Variants in HIP1R observed in about 807,000 individuals in gnomAD.
HIP1R encodes huntingtin interacting protein 1 related.
A neutral mutation model predicts 144.2 loss-of-function variants in HIP1R; 135 were observed. The ratio of observed to expected loss-of-function variants is 0.94; its 90% confidence interval spans 0.81 to 1.08. HIP1R has a LOEUF of 1.08. Ranked by LOEUF, HIP1R falls within the 50% of genes least tolerant of loss-of-function variation. HIP1R has a pLI of 0.00. For synonymous variants in HIP1R, 698 were observed against 612.8 expected (o/e 1.14, Z -2.05); for missense variants, 1,462 against 1,432.8 (o/e 1.02, Z -0.33).
At chr12:122,837,412 G>T (rs549415274) in intron 1 of HIP1R, among the ~76,000 whole-genome samples, 4 of 151,706 alleles carry the variant, frequency 2.6e-5, no homozygotes, top group African/African-American at 7.3e-5. Context: ...TCCGCCTCCC[G>T]GGTTCAAGTG....
rs746930045 is a variant in HIP1R at position 122,858,142 on chromosome 12, A to C, written c.1856A>C (p.Glu619Ala). 14 of 1,602,010 alleles carry C rather than the reference A, an allele frequency of 8.7e-6. No individual in the cohort carries two copies. Among genetic ancestry groups the C allele is most frequent in the Non-Finnish European group, 1.2e-5 (14 of 1,176,758 alleles). ...GGGCTGCGGCAGAGGCTGCTGGACGAGCAGTTCGCAGTGTTGCGGGGCGCT... is the reference window on the plus strand; with the variant it reads ...GGGCTGCGGCAGAGGCTGCTGGACGCGCAGTTCGCAGTGTTGCGGGGCGCT... The part of the protein sequence containing the change: ...EQGLRQRLLD[E>A]QFAVLRGAAA... The change falls in exon 19 of 32, where the codon GAG (glutamate) becomes GCG (alanine). Residue 619 changes from glutamate to alanine, a missense_variant. Transcript: ENST00000253083.
In HIP1R at chr12:122,862,824, G is replaced by A. The variant is rs1226534585; in HGVS notation, c.*1071G>A. 6.6e-6 allele frequency: 1 copy of A among 152,152 alleles called. No homozygotes were observed. The highest frequency in any genetic ancestry group is 6.5e-5 in the Admixed American group (1 of 15,282). 9.4% of individuals were successfully genotyped at this position (152,152 alleles called of 1,614,324 possible). A position where few individuals can be genotyped will look rare whatever the true frequency, so the allele number is the denominator to read the frequency against. On this transcript the variant is annotated 3_prime_UTR_variant, in exon 32 of 32. Coordinates refer to ENST00000253083, the MANE Select transcript of HIP1R (RefSeq NM_003959.3). The stretch of plus-strand genomic sequence containing the variant: ...CTAGCCCTTTAGCCTTTCACCCTGT[G>A]CTCTGGAAAGGCTACCAAATACTGG...
chr12:122,835,473 G>T lies in HIP1R; in HGVS notation c.-78G>T, dbSNP rs1279444880. The T allele has an allele frequency of 2.3e-5, 27 of 1,190,930 alleles. No individual in the cohort carries two copies. In the East Asian group the frequency reaches 2.7e-4, roughly 12 times the overall value. The allele number at this position is 1,190,930 out of a possible 1,614,324, so 73.8% of individuals were successfully genotyped here. On this transcript the variant is annotated 5_prime_UTR_variant, in exon 1 of 32. Coordinates refer to ENST00000253083, the MANE Select transcript of HIP1R (RefSeq NM_003959.3). ...GGGCGCGGCGCGGTGGCCTCGCGGT[G>T]CCTAGGCTGGGGCTGCCGGACCGTG...
intron 12 of HIP1R, 54 bp downstream of exon 12, chr12:122,855,666 G>A: frequency 6.5e-7 from 1 of 1,538,696 alleles, no homozygotes; most frequent in Non-Finnish European, 8.8e-7. Context: ...GGGCTCAGCT[G>A]AGCTGTGCTC....
chr12:122,853,562 C>A (rs907006672), intron 7 of HIP1R: 1 of 152,132 alleles, frequency 6.6e-6, no homozygotes, highest in Non-Finnish European at 1.5e-5. Context: ...TGGGGGCAAG[C>A]GAGGTTTCAG....
At position 122,859,841 on chromosome 12, in the gene HIP1R, C is replaced by A. The variant is rs573747950; in HGVS notation, c.2465+11C>A. On this transcript the variant is annotated intron_variant, in intron 24 of 31. Transcript: ENST00000253083. Reference sequence around the variant, plus strand: ...GGAGGTGAACGAGAGGTGAGCCCCCCTTCTGTCCCCCCAGGCCCAGCCGAG... The same window carrying A: ...GGAGGTGAACGAGAGGTGAGCCCCCATTCTGTCCCCCCAGGCCCAGCCGAG... 7.4e-6 allele frequency: 12 copies of A among 1,611,456 alleles called. No homozygotes were observed. In the South Asian group the frequency reaches 9.9e-5, roughly 13 times the overall value.
chr12:122,855,977 C>A lies in HIP1R; in HGVS notation c.1129-3C>A. 1.3e-6 allele frequency: 2 copies of A among 1,583,424 alleles called. No individual in the cohort carries two copies. The highest frequency in any genetic ancestry group is 2.3e-5 in the South Asian group (2 of 86,618). ...GGGCCCCACGTCACACCTCCTCCCG[C>A]AGGCCCAGCGGTACATCGCGCAGCT... On this transcript the variant is annotated splice_region_variant and splice_polypyrimidine_tract_variant and intron_variant, in intron 13 of 31. Coordinates refer to ENST00000253083, the MANE Select transcript of HIP1R (RefSeq NM_003959.3).
chr12:122,861,751 T>G lies in HIP1R; in HGVS notation c.3205T>G (p.Ter1069GluextTer20). 6.2e-7 allele frequency: 1 copy of G among 1,614,006 alleles called. No individual in the cohort carries two copies. The highest frequency in any genetic ancestry group is 1.7e-4 in the Middle Eastern group (1 of 6,060). Reference protein sequence around the residue: ...GIYPAQLVNY* With the variant: ...GIYPAQLVNYE ...CTACCCAGCTCAACTCGTGAACTAC[T>G]AGGCCCCCCAGGGGTCCAGCAGGGT... Residue 1069 changes from the stop codon to glutamate (E), a stop_lost, in exon 32 of 32, where the codon TAG (stop) becomes GAG (glutamate). Transcript: ENST00000253083.
In HIP1R at chr12:122,855,385, C is replaced by A. The variant is rs778934790; in HGVS notation, c.973C>A (p.Pro325Thr). 4 of 1,576,934 alleles carry A rather than the reference C, an allele frequency of 2.5e-6. No individual in the cohort carries two copies. Among genetic ancestry groups the A allele is most frequent in the Non-Finnish European group, 3.4e-6 (4 of 1,162,704 alleles). The change falls in exon 11 of 32, where the codon CCC (proline) becomes ACC (threonine). Residue 325 changes from proline to threonine, a missense_variant. Physicochemically the swap from Pro to Thr is conservative, Grantham distance 38. Coordinates refer to ENST00000253083, the MANE Select transcript of HIP1R (RefSeq NM_003959.3). ...GAATCTCATTGAGATCAGCACAGGG[C>A]CCCCCGCGGGGGAGCCAGTGGTGAG... is the stretch of plus-strand genomic sequence containing the variant. ...PENLIEISTGPPAGEPVVVAD... is the reference protein window; with the variant it reads ...PENLIEISTGTPAGEPVVVAD...
At position 122,862,014 on chromosome 12, in the gene HIP1R, A is replaced by ACTCTTCAGAAAATAGTGTTTTTAATATTC. The variant is rs1328956487; in HGVS notation, c.*292_*320dup. 1.3e-4 allele frequency: 64 copies of ACTCTTCAGAAAATAGTGTTTTTAATATTC among 476,594 alleles called. No individual in the cohort carries two copies. Among genetic ancestry groups the ACTCTTCAGAAAATAGTGTTTTTAATATTC allele is most frequent in the African/African-American group, 2.6e-4 (13 of 50,108 alleles). 29.5% of individuals were successfully genotyped at this position (476,594 alleles called of 1,614,324 possible). Reference sequence around the variant, plus strand: ...CAGGACCCGGTAGGCCTGAGCCTCAACTCTTCAGAAAATAGTGTTTTTAAT... The same window carrying ACTCTTCAGAAAATAGTGTTTTTAATATTC: ...CAGGACCCGGTAGGCCTGAGCCTCAACTCTTCAGAAAATAGTGTTTTTAATATTCCTCTTCAGAAAATAGTGTTTTTAAT... On this transcript the variant is annotated 3_prime_UTR_variant, in exon 32 of 32. Transcript: ENST00000253083.
intron 2 of HIP1R, 114 bp downstream of exon 2, chr12:122,848,208 C>A: frequency 1.7e-6 from 2 of 1,177,004 alleles, no homozygotes; most frequent in East Asian, 2.5e-5. Context: ...TCACTGAGCC[C>A]GGGGAGGAGG....
In HIP1R at chr12:122,857,202, G is replaced by T. The variant is rs537676507; in HGVS notation, c.1802G>T (p.Arg601Leu). The T allele has an allele frequency of 3.2e-6, 5 of 1,550,278 alleles. No homozygotes were observed. Among genetic ancestry groups the T allele is most frequent in the Non-Finnish European group, 4.4e-6 (5 of 1,146,838 alleles). The change falls in exon 18 of 32, where the codon CGG (arginine) becomes CTG (leucine). Residue 601 changes from arginine to leucine, a missense_variant. Transcript: ENST00000253083. ...SSQEQGELQG[R>L]LAERESQEQG... ...CAGGAGCAGGGCGAGTTGCAGGGCC[G>T]GCTGGCAGAGAGGGTATGGCCTCCC... is the stretch of plus-strand genomic sequence containing the variant.
In HIP1R at chr12:122,849,898, A is replaced by C; in HGVS notation, c.381A>C (p.Gly127=). 6.2e-7 allele frequency: 1 copy of C among 1,613,516 alleles called. No individual in the cohort carries two copies. Among genetic ancestry groups the C allele is most frequent in the Non-Finnish European group, 8.5e-7 (1 of 1,179,894 alleles). The part of the protein sequence containing the change: ...DLWGHLHDRY[G]QLVNVYTKLL... ...AGGGACATTTGCATGACCGCTACGG[A>C]CAGCTGGTGAATGTCTACACCAAGC... Residue 127 remains glycine (G), a synonymous_variant, in exon 5 of 32, where the codon GGA becomes GGC. Transcript: ENST00000253083.
chr12:122,851,640 T>C (rs552641565), intron 7 of HIP1R, among the ~76,000 whole-genome samples: 1 of 151,304 alleles, frequency 6.6e-6, no homozygotes, highest in South Asian at 2.1e-4. Context: ...GCGGAGATCA[T>C]GCCGCTACAC....
Position 122,859,779 on chromosome 12 carries a change from T to C in HIP1R, c.2414T>C (p.Met805Thr), listed in dbSNP as rs1220194495. 6.2e-7 allele frequency: 1 copy of C among 1,612,952 alleles called. No homozygotes were observed. The highest frequency in any genetic ancestry group is 8.5e-7 in the Non-Finnish European group (1 of 1,179,794). ...EDAVRRIEDM[M>T]NQARHASSGV... ...CTCTGTTCTTGGGTGCAGGACATGATGAACCAGGCACGCCACGCCAGCTCG... is the reference window on the plus strand; with the variant it reads ...CTCTGTTCTTGGGTGCAGGACATGACGAACCAGGCACGCCACGCCAGCTCG... Residue 805 changes from methionine to threonine, a missense_variant, in exon 24 of 32, where the codon ATG (methionine) becomes ACG (threonine). Physicochemically the swap from Met to Thr is moderately conservative, Grantham distance 81. This residue lies in a region of HIP1R where 1,112 missense variants were observed against 1,011.7 expected (regional missense o/e 1.10). Transcript: ENST00000253083.
Position 122,848,395 on chromosome 12 carries a change from C to T in HIP1R, c.158-71C>T, listed in dbSNP as rs914219813. On this transcript the variant is annotated intron_variant, in intron 2 of 31. Coordinates refer to ENST00000253083, the MANE Select transcript of HIP1R (RefSeq NM_003959.3). ...GCCGGCCCTCTTCCGGCGGCCCTGG[C>T]CTCTCTCAGCCGGGTTTGCTGAGCC... 4 of 1,541,588 alleles carry T rather than the reference C, an allele frequency of 2.6e-6. No homozygotes were observed. The African/African-American group carries it at 4.1e-5, about 16-fold the overall frequency.
rs199998783 is a variant in HIP1R, at chr12:122,861,683, C to T, written c.3160-23C>T. 4.7e-4 allele frequency: 755 copies of T among 1,613,334 alleles called. 6 individuals carry two copies. Among genetic ancestry groups the T allele is most frequent in the Admixed American group, 6.3e-4 (38 of 59,922 alleles). On this transcript the variant is annotated intron_variant, in intron 31 of 31. Coordinates refer to ENST00000253083, the MANE Select transcript of HIP1R (RefSeq NM_003959.3). ...CCAGGTGCCTGGCTGTGACCACTGA[C>T]CCCCCACCTTTAACCCCTGCAGCTT...
intron 1 of HIP1R, among the ~76,000 whole-genome samples, chr12:122,847,578 T>C (rs1593867642): frequency 6.6e-6 from 1 of 151,870 alleles, no homozygotes; most frequent in Non-Finnish European, 1.5e-5. Context: ...CCCAGGAGAG[T>C]GGGGACAATG....
Position 122,854,340 on chromosome 12 carries a change from G to GA in HIP1R, c.718+175dup, listed in dbSNP as rs5801492. On this transcript the variant is annotated intron_variant, in intron 8 of 31. Transcript: ENST00000253083. Reference sequence around the variant, plus strand: ...TTAATAGAAATAACATATATTTTATGAAAAAAAAAAAAAAAAAACCCACTA... The same window carrying GA: ...TTAATAGAAATAACATATATTTTATGAAAAAAAAAAAAAAAAAAACCCACTA... Among the ~76,000 whole-genome samples, 300 of 128,548 alleles carry GA rather than the reference G, an allele frequency of 2.3e-3. 2 individuals carry two copies. The highest frequency in any genetic ancestry group is 5.7e-3 in the African/African-American group (198 of 34,532). The allele number at this position is 128,548 out of a possible 152,430, so 84.3% of individuals were successfully genotyped here. A position where few individuals can be genotyped will look rare whatever the true frequency, so the allele number is the denominator to read the frequency against.
Sources: allele counts gnomAD v4.1 joint callset (sites outside exome capture counted in the v4.1 genomes callset), GRCh38; gene constraint gnomAD v4.1.1; regional missense constraint gnomAD v4.1.1; transcripts MANE v1.5; gene names NCBI Gene and HGNC (gene_info 2026-07-23, HGNC 2026-07-21).